TAF5L: variants seen among roughly 807,000 people sequenced by gnomAD.
The protein encoded by TAF5L is TAF5-like RNA polymerase II p300/CBP-associated factor-associated factor 65 kDa subunit 5L.
TAF5L carries 7 observed loss-of-function variants against 51.3 expected under a neutral mutation model. The ratio of observed to expected loss-of-function variants is 0.14; its 90% CI spans 0.08 to 0.26. TAF5L has a LOEUF of 0.26. Ranked by LOEUF, TAF5L falls within the 10% of genes least tolerant of loss-of-function variation. The pLI, the probability that TAF5L is intolerant of heterozygous loss-of-function variation, is 1.00. For synonymous variants in TAF5L, 291 were observed against 308.1 expected, an observed-to-expected ratio of 0.94 and a Z score of 0.58; for missense variants, 575 against 758.9, an observed-to-expected ratio of 0.76 and a Z score of 2.85.
chr1:229,611,852 C>T (rs916006385), intron 2 of TAF5L, among the ~76,000 whole-genome samples: 1 of 152,196 alleles, frequency 6.6e-6, no homozygotes, highest in African/African-American at 2.4e-5. Context: ...CTAATGGTTC[C>T]TTTGCAACTC....
Position 229,602,309 on chromosome 1 carries a change from C to G in TAF5L, c.858G>C (p.Gly286=), listed in dbSNP as rs1344180562. 1 of 1,614,044 alleles carries G rather than the reference C, an allele frequency of 6.2e-7. No homozygotes were observed. The highest frequency in any genetic ancestry group is 2.2e-5 in the East Asian group (1 of 44,900). Residue 286 remains glycine (G), a synonymous_variant, in exon 4 of 5, where the codon GGG becomes GGC. Transcript: ENST00000258281. The surrounding 1 kb of genome is among the most constrained non-coding windows in gnomAD (Gnocchi z 4.6). ...AAAGTTTTATACAGGAGTTGTCAAA[C>G]CCAGCAGCAAGCAGCTTGCTATCGG...
chr1:229,609,102 G>C (rs72751755), intron 3 of TAF5L, among the ~76,000 whole-genome samples: 1 of 152,104 alleles, frequency 6.6e-6, no homozygotes. Context: ...TGCCAGGATA[G>C]ATATTGTCCT....
At chr1:229,616,940 C>T (rs189895797) in intron 1 of TAF5L, among the ~76,000 whole-genome samples, 1 of 152,108 alleles carries the variant, frequency 6.6e-6, no homozygotes, top group Non-Finnish European at 1.5e-5. Flanking sequence ...AGAAGGAACA[C>T]TATGGTTGTG....
exon 5 of TAF5L, chr1:229,593,611 CTG>C (rs1376030055): frequency 6.6e-6 from 1 of 152,068 alleles, no homozygotes; most frequent in Non-Finnish European, 1.5e-5. Context: ...TCCCAATACA[CTG>C]TGCTACCAAA....
chr1:229,601,959 T>C lies in TAF5L; in HGVS notation c.972+236A>G, dbSNP rs1001292504. 8 of 1,291,992 alleles carry C rather than the reference T, an allele frequency of 6.2e-6. No homozygotes were observed. In the Admixed American group the frequency reaches 3.0e-4, roughly 48 times the overall value. 80.0% of individuals were successfully genotyped at this position (1,291,992 alleles called of 1,614,324 possible). ...TTAGTGTTGCTATCCACATTTCACATAGTATAAATACTGACCATTCATTAA... is the reference window on the plus strand; with the variant it reads ...TTAGTGTTGCTATCCACATTTCACACAGTATAAATACTGACCATTCATTAA... On this transcript the variant is annotated intron_variant, in intron 4 of 4. Coordinates refer to ENST00000258281, the Ensembl canonical transcript of TAF5L.
In TAF5L at chr1:229,594,323, T is replaced by A. The variant is rs1253293404; in HGVS notation, c.1744A>T (p.Ile582Phe). The A allele has an allele frequency of 1.9e-6, 3 of 1,608,966 alleles. No homozygotes were observed. The highest frequency in any genetic ancestry group is 1.7e-6 in the Non-Finnish European group (2 of 1,176,210). The change falls in exon 5 of 5, where the codon ATT becomes TTT. Residue 582 changes from isoleucine to phenylalanine, a missense_variant. Around this residue, in one of 3 missense-constraint regions of TAF5L, gnomAD observed 91 missense variants for 96.9 expected, o/e 0.94. Transcript: ENST00000258281. The surrounding 1 kb of genome is among the most constrained non-coding windows in gnomAD (Gnocchi z 7.9). ...TAATGTTCCTGATTTTCTTGTGTAA[T>A]TCCAGTCACCAGAAGAAGGTTACAG...
At chr1:229,607,459 C>A in intron 3 of TAF5L, 1 of 985,434 alleles carries the variant, frequency 1.0e-6, no homozygotes, top group Non-Finnish European at 1.2e-6. Context: ...AGTCGTCAAG[C>A]CTGCCTTTTT....
chr1:229,617,850 C>A (rs1030381151), intron 1 of TAF5L, among the ~76,000 whole-genome samples: 4 of 152,180 alleles, frequency 2.6e-5, no homozygotes, highest in Non-Finnish European at 4.4e-5. Context: ...ATAGCAATTT[C>A]TCTGAGTCCA....
chr1:229,621,695 A>G (rs1571856145), intron 1 of TAF5L, among the ~76,000 whole-genome samples: 1 of 152,228 alleles, frequency 6.6e-6, no homozygotes, highest in African/African-American at 2.4e-5. Flanking sequence ...ATTTAAAAAA[A>G]GAGAAACTCT....
chr1:229,593,520 T>C (rs1031143983), exon 5 of TAF5L: 1 of 152,084 alleles, frequency 6.6e-6, no homozygotes, highest in Non-Finnish European at 1.5e-5. Flanking sequence ...GAGCCCAAAG[T>C]GTTCTCAATC....
At chr1:229,613,234 G>T (rs1347556320) in intron 2 of TAF5L, among the ~76,000 whole-genome samples, 1 of 149,806 alleles carries the variant, frequency 6.7e-6, no homozygotes, top group African/African-American at 2.5e-5. Flanking sequence ...GGTAGGCTGA[G>T]ATGGAGGATC....
At chr1:229,620,414 CTCATATGGCCCTTT>C (rs1201122945) in intron 1 of TAF5L, among the ~76,000 whole-genome samples, 1 of 152,172 alleles carries the variant, frequency 6.6e-6, no homozygotes, top group African/African-American at 2.4e-5. Flanking sequence ...TTAGGCCCTC[CTCATATGGCCCTTT>C]GAAAAGCAGC....
At chr1:229,608,228 T>C (rs988907355) in intron 3 of TAF5L, among the ~76,000 whole-genome samples, 1 of 152,142 alleles carries the variant, frequency 6.6e-6, no homozygotes, top group Non-Finnish European at 1.5e-5. Context: ...GAGAAAATGG[T>C]CAAAATATTA....
At chr1:229,613,812 A>C (rs1664875262) in intron 2 of TAF5L, among the ~76,000 whole-genome samples, 1 of 152,194 alleles carries the variant, frequency 6.6e-6, no homozygotes, top group South Asian at 2.1e-4. Context: ...AAGTTTTTCT[A>C]AAATAGAATC....
rs750425736 is a variant in TAF5L at position 229,595,141 on chromosome 1, G to A, written c.973-47C>T. Reference sequence around the variant, plus strand: ...GGGAAAAGAAACACACACAAAAAATGTTCAGTGGTCTGACAAGGAAAACAA... The same window carrying A: ...GGGAAAAGAAACACACACAAAAAATATTCAGTGGTCTGACAAGGAAAACAA... On this transcript the variant is annotated intron_variant, in intron 4 of 4. Coordinates refer to ENST00000258281, the Ensembl canonical transcript of TAF5L. 1.1e-5 allele frequency: 17 copies of A among 1,524,428 alleles called. No homozygotes were observed. The East Asian group carries it at 3.2e-4, about 28-fold the overall frequency. The allele number at this position is 1,524,428 out of a possible 1,614,324, so 94.4% of individuals were successfully genotyped here.
chr1:229,619,599 T>C (rs1160315820), intron 1 of TAF5L, among the ~76,000 whole-genome samples: 1 of 152,142 alleles, frequency 6.6e-6, no homozygotes, highest in Admixed American at 6.5e-5. Flanking sequence ...CATCAACTAC[T>C]TACCCTACAG....
chr1:229,602,928 A>T lies in TAF5L; in HGVS notation c.248-9T>A. The stretch of plus-strand genomic sequence containing the variant: ...ATGCTGGGAATCAGAATCTATAATG[A>T]AAGAAAAAGAAGGCTTTATAATCAG... On this transcript the variant is annotated splice_polypyrimidine_tract_variant and intron_variant, in intron 3 of 4. Transcript: ENST00000258281. The surrounding 1 kb of genome is among the most constrained non-coding windows in gnomAD (Gnocchi z 4.6). The T allele has an allele frequency of 1.3e-6, 2 of 1,576,046 alleles. No individual in the cohort carries two copies. The highest frequency in any genetic ancestry group is 1.7e-6 in the Non-Finnish European group (2 of 1,169,466).
intron 1 of TAF5L, among the ~76,000 whole-genome samples, chr1:229,620,466 T>C (rs1665162587): frequency 6.6e-6 from 1 of 152,224 alleles, no homozygotes; most frequent in Non-Finnish European, 1.5e-5. Flanking sequence ...CTAATGATGT[T>C]ACAACCAAGC....
At chr1:229,613,714 ATTTT>A (rs1664872671) in intron 2 of TAF5L, among the ~76,000 whole-genome samples, 2 of 152,198 alleles carry the variant, frequency 1.3e-5, no homozygotes, top group East Asian at 3.8e-4. Context: ...GTATCCGTGG[ATTTT>A]GGTATTCATG....
Sources: gnomAD v4.1 joint callset for allele counts (sites outside exome capture counted in the v4.1 genomes callset) on GRCh38, gnomAD v4.1.1 for gene constraint, gnomAD v4.1.1 regional missense constraint, Gnocchi (gnomAD v3.1) non-coding constraint, MANE v1.5 for transcripts, NCBI Gene and HGNC (gene_info 2026-07-23, HGNC 2026-07-21) for gene names.